MSH6: variants seen among roughly 807,000 people sequenced by gnomAD.
MSH6 encodes the protein DNA mismatch repair protein Msh6.
A neutral mutation model predicts 119.1 loss-of-function variants in MSH6; 85 were observed. The observed-to-expected ratio is 0.71, with a 90% CI of 0.60 to 0.85. The LOEUF (loss-of-function observed/expected upper bound fraction) is 0.85. Ranked by LOEUF, MSH6 falls within the 40% of genes least tolerant of loss-of-function variation. MSH6 has a pLI of 0.00. For synonymous variants in MSH6, 830 were observed against 586.9 expected, an observed-to-expected ratio of 1.41 and a Z score of -5.99; for missense variants, 2,163 against 1,655.3, an observed-to-expected ratio of 1.31 and a Z score of -5.32.
intron 3 of MSH6, among the ~76,000 whole-genome samples, chr2:47,796,871 G>T (rs569681793): frequency 6.6e-6 from 1 of 152,184 alleles, no homozygotes; most frequent in Non-Finnish European, 1.5e-5. Context: ...TGAGGCATGA[G>T]AATTGCTTGA....
chr2:47,792,125 C>T (rs1458718726), intron 2 of MSH6, among the ~76,000 whole-genome samples: 2 of 152,136 alleles, frequency 1.3e-5, no homozygotes, highest in African/African-American at 2.4e-5. Flanking sequence ...GGATTATAGG[C>T]GTGAGCCACT....
rs2104301989 is a variant in MSH6, at chr2:47,798,840, A to G, written c.857A>G (p.Glu286Gly). ...DEISSGVGDS[E>G]SEGLNSPVKV... ...ATAAGCAGTGGAGTGGGGGATAGTGAGAGTGAAGGCCTGAACAGCCCTGTC... is the reference window on the plus strand; with the variant it reads ...ATAAGCAGTGGAGTGGGGGATAGTGGGAGTGAAGGCCTGAACAGCCCTGTC... Residue 286 changes from glutamate (E) to glycine (G), a missense_variant, in exon 4 of 10, where the codon GAG becomes GGG. Transcript: ENST00000234420. The G allele has an allele frequency of 6.2e-7, 1 of 1,614,208 alleles. No individual in the cohort carries two copies. Among genetic ancestry groups the G allele is most frequent in the Non-Finnish European group, 8.5e-7 (1 of 1,180,036 alleles).
rs761930694 is a variant in MSH6, at chr2:47,800,162, A to G, written c.2179A>G (p.Thr727Ala). The G allele has an allele frequency of 6.2e-7, 1 of 1,614,198 alleles. No homozygotes were observed. The highest frequency in any genetic ancestry group is 8.5e-7 in the Non-Finnish European group (1 of 1,180,030). Residue 727 changes from threonine to alanine, a missense_variant, in exon 4 of 10, where the codon ACC becomes GCC. Physicochemically the swap from Thr to Ala is moderately conservative, Grantham distance 58. Transcript: ENST00000234420. ...CACTACAAGATCTGGTGCTATCTTC[A>G]CCAAAGCCTATCAACGAATGGTGCT... ...VSTTRSGAIF[T>A]KAYQRMVLDA... is the part of the protein sequence containing the mutation.
At chr2:47,795,420 T>TTGTGTGTGTG (rs1414815932) in intron 2 of MSH6, among the ~76,000 whole-genome samples, 1 of 116,886 alleles carries the variant, frequency 8.6e-6, no homozygotes, top group Non-Finnish European at 2.0e-5. Flanking sequence ...ACAAGTTATT[T>TTGTGTGTGTG]TATGTGTGTG....
chr2:47,792,845 A>C (rs1386010761), intron 2 of MSH6, among the ~76,000 whole-genome samples: 1 of 92,734 alleles, frequency 1.1e-5, no homozygotes, highest in Non-Finnish European at 2.2e-5. Flanking sequence ...ATTTTTATAT[A>C]GTTTTTTTTT....
At chr2:47,795,851 T>C in intron 2 of MSH6, 43 bp from the exon 3 acceptor site, 1 of 1,580,046 alleles carries the variant, frequency 6.3e-7, no homozygotes, top group Non-Finnish European at 8.7e-7. Flanking sequence ...GGCGTGAGCC[T>C]CTGCACCCGG....
At chr2:47,807,286 T>TTA, downstream of MSH6, 1 of 219,720 alleles carries the variant, frequency 4.6e-6, no homozygotes, top group Non-Finnish European at 9.1e-6. Flanking sequence ...AAAGTGTACT[T>TTA]AAAACATAGT....
chr2:47,784,361 T>C (rs994987695), intron 1 of MSH6: 2 of 579,290 alleles, frequency 3.5e-6, no homozygotes, highest in Non-Finnish European at 4.4e-6. Flanking sequence ...ACCACTGGGC[T>C]TTTAGAGGCC....
intron 9 of MSH6, 30 bp downstream of exon 9, chr2:47,806,681 C>T (rs2104570476): frequency 6.3e-7 from 1 of 1,586,114 alleles, no homozygotes; most frequent in Non-Finnish European, 8.6e-7. Flanking sequence ...GGAATTATAA[C>T]TAACTGACCT....
At chr2:47,788,946 T>TTTTTTTTTTTTTTTTTTTTTTTTTTTGTG (rs1553409740) in intron 1 of MSH6, among the ~76,000 whole-genome samples, 1 of 115,752 alleles carries the variant, frequency 8.6e-6, no homozygotes, top group Non-Finnish European at 1.7e-5. Context: ...TTTTTTTTTT[T>TTTTTTTTTTTTTTTTTTTTTTTTTTTGTG]TGTGAGACGG....
At chr2:47,808,304 T>TA, downstream of MSH6, 1 of 1,612,412 alleles carries the variant, frequency 6.2e-7, no homozygotes, top group Middle Eastern at 1.7e-4. Flanking sequence ...AATTGGGTAA[T>TA]ATATCAAGCA....
At chr2:47,784,063 G>C in intron 1 of MSH6, 1 of 1,012,308 alleles carries the variant, frequency 9.9e-7, no homozygotes, top group Non-Finnish European at 1.2e-6. Context: ...GTTAAGAGCC[G>C]CGGTCGCCGA....
chr2:47,809,537 G>T, downstream of MSH6: 2 of 1,188,280 alleles, frequency 1.7e-6, no homozygotes, highest in Admixed American at 2.0e-5. Flanking sequence ...GTTATAAAAC[G>T]GCTTCTGATT....
chr2:47,783,432 C>A lies in MSH6; in HGVS notation c.199C>A (p.Pro67Thr), dbSNP rs878853712. ...GCCCTTGGCGCGCTCCGCGTCACCG[C>A]CCAAGGCGAAGAACCTCAACGGAGG... Reference protein sequence around the residue: ...PRPLARSASPPKAKNLNGGLR... With the variant: ...PRPLARSASPTKAKNLNGGLR... Residue 67 changes from proline to threonine, a missense_variant, in exon 1 of 10, where the codon CCC (proline) becomes ACC (threonine). By Grantham distance (38) the Pro-to-Thr change is conservative. Coordinates refer to ENST00000234420, the MANE Select transcript of MSH6 (RefSeq NM_000179.3). 6.7e-7 allele frequency: 1 copy of A among 1,501,316 alleles called. No individual in the cohort carries two copies. The highest frequency in any genetic ancestry group is 8.9e-7 in the Non-Finnish European group (1 of 1,127,750). The allele number at this position is 1,501,316 out of a possible 1,614,324, so 93.0% of individuals were successfully genotyped here.
Position 47,805,647 on chromosome 2 carries a change from G to A in MSH6, c.3586G>A (p.Glu1196Lys), listed in dbSNP as rs75095286. 6.2e-7 allele frequency: 1 copy of A among 1,611,800 alleles called. No homozygotes were observed. Among genetic ancestry groups the A allele is most frequent in the Non-Finnish European group, 8.5e-7 (1 of 1,178,396 alleles). The change falls in exon 7 of 10, where the codon GAA (glutamate) becomes AAA (lysine). Residue 1196 changes from glutamate to lysine, a missense_variant. Glu to Lys is a moderately conservative substitution (Grantham distance 56). Transcript: ENST00000234420. Reference protein sequence around the residue: ...GESTFFVELSETASILMHATA... With the variant: ...GESTFFVELSKTASILMHATA... ...AAGTACATTTTTTGTTGAATTAAGT[G>A]AAACTGCCAGCATACTCATGCATGC...
At chr2:47,809,273 TAAAAG>T (rs764710246), downstream of MSH6, 236 of 1,497,336 alleles carry the variant, frequency 1.6e-4, no homozygotes, top group Non-Finnish European at 2.0e-4. Flanking sequence ...TTATCTGTAA[TAAAAG>T]AAAGAATAAG....
At chr2:47,805,152 T>A in intron 6 of MSH6, 125 bp downstream of exon 6, 1 of 739,914 alleles carries the variant, frequency 1.4e-6, no homozygotes, top group Non-Finnish European at 2.4e-6. Context: ...TTTAAAAACA[T>A]CACTTTTTAA....
intron 5 of MSH6, 24 bp from the exon 6 acceptor site, chr2:47,804,886 G>C (rs777421467): frequency 6.4e-7 from 1 of 1,561,188 alleles, no homozygotes; most frequent in African/African-American, 1.4e-5. Flanking sequence ...AGTCATAAAA[G>C]ACCTTTTCCT....
At position 47,799,593 on chromosome 2, in the gene MSH6, A is replaced by C. The variant is rs1390820576; in HGVS notation, c.1610A>C (p.Lys537Thr). 2 of 1,614,084 alleles carry C rather than the reference A, an allele frequency of 1.2e-6. No homozygotes were observed. Among genetic ancestry groups the C allele is most frequent in the Non-Finnish European group, 1.7e-6 (2 of 1,180,044 alleles). ...LEGDPSENYS[K>T]YLLSLKEKEE... ...GGTGATCCCTCTGAGAACTACAGTA[A>C]GTATCTTCTTAGCCTCAAAGAAAAA... The change falls in exon 4 of 10, where the codon AAG becomes ACG. Residue 537 changes from lysine (K) to threonine (T), a missense_variant. Lys to Thr is a moderately conservative substitution (Grantham distance 78). Coordinates refer to ENST00000234420, the MANE Select transcript of MSH6 (RefSeq NM_000179.3).
Sources: gnomAD v4.1 joint callset for allele counts (sites outside exome capture counted in the v4.1 genomes callset) on GRCh38, gnomAD v4.1.1 for gene constraint, MANE v1.5 for transcripts, NCBI Gene and HGNC (gene_info 2026-07-23, HGNC 2026-07-21) for gene names.